SBF2: variants seen among roughly 807,000 people sequenced by gnomAD.
The protein encoded by SBF2 is SET binding factor 2, also known as myotubularin-related protein 13.
Under a neutral mutation model 225.2 loss-of-function variants are expected in SBF2, and 112 were observed. The observed-to-expected ratio is 0.50, with a 90% confidence interval of 0.43 to 0.58. SBF2 has a LOEUF of 0.58. Ranked by LOEUF, SBF2 falls within the 20% of genes least tolerant of loss-of-function variation. The probability of loss-of-function intolerance (pLI) is 0.00; values close to 1 mark genes in which losing one functional copy is unlikely to be tolerated. For missense variants in SBF2, 1,996 were observed against 2,206.2 expected, an observed-to-expected ratio of 0.90 and a Z score of 1.91; for synonymous variants, 763 against 773.3, an observed-to-expected ratio of 0.99 and a Z score of 0.22.
intron 30 of SBF2, chr11:9,810,882 A>C (rs1406552914): frequency 6.6e-6 from 1 of 152,234 alleles, no homozygotes; most frequent in African/African-American, 2.4e-5. Flanking sequence ...AAGGAATATA[A>C]ATTGTTCTAC....
intron 2 of SBF2, among the ~76,000 whole-genome samples, chr11:10,113,285 C>T (rs61878631): frequency 0.18 from 27,208 of 152,146 alleles, 2,602 homozygotes; most frequent in East Asian, 0.28. Flanking sequence ...TGAGCCACCA[C>T]GCCTGGCTGG....
intron 16 of SBF2, among the ~76,000 whole-genome samples, chr11:9,940,873 CAA>C (rs1865213347): frequency 6.6e-6 from 1 of 151,722 alleles, no homozygotes; most frequent in Non-Finnish European, 1.5e-5. Context: ...GATACAAAGG[CAA>C]AGAGTTTATA....
intron 1 of SBF2, among the ~76,000 whole-genome samples, chr11:10,230,168 A>G (rs1349172069): frequency 6.6e-6 from 1 of 151,998 alleles, no homozygotes; most frequent in Non-Finnish European, 1.5e-5. Context: ...TTTGCTTGGT[A>G]GATCTTCCAT....
intron 17 of SBF2, among the ~76,000 whole-genome samples, chr11:9,879,414 C>T (rs921805799): frequency 6.6e-6 from 1 of 152,070 alleles, no homozygotes; most frequent in East Asian, 1.9e-4. Flanking sequence ...AAAGTCCTTG[C>T]CCTAAATGAA....
intron 17 of SBF2, among the ~76,000 whole-genome samples, chr11:9,864,749 A>G (rs1419408591): frequency 6.6e-6 from 1 of 152,180 alleles, no homozygotes; most frequent in Non-Finnish European, 1.5e-5. Flanking sequence ...TTTAGTAAAT[A>G]TTAAGAGTTC....
At chr11:10,006,632 G>A (rs1816487661) in intron 6 of SBF2, among the ~76,000 whole-genome samples, 1 of 152,124 alleles carries the variant, frequency 6.6e-6, no homozygotes, top group Admixed American at 6.5e-5. Context: ...ATGTTAAGAA[G>A]ACAAATAAAT....
At chr11:9,872,569 T>C (rs1858864848) in intron 17 of SBF2, among the ~76,000 whole-genome samples, 1 of 152,326 alleles carries the variant, frequency 6.6e-6, no homozygotes, top group South Asian at 2.1e-4. Flanking sequence ...CTCAATATTA[T>C]TAGTCATTAG....
chr11:9,845,724 A>C lies in SBF2; in HGVS notation c.2951T>G (p.Phe984Cys), dbSNP rs775095719. ...SASFQLIKVA[F>C]DEEVSPEVVE... ...TACTTCTGGACTGACTTCTTCATCA[A>C]ATGCTACCTTAATCAACTAGAAGCA... Residue 984 changes from phenylalanine (F) to cysteine (C), a missense_variant, in exon 24 of 40, where the codon TTT becomes TGT. Phe to Cys is a radical substitution (Grantham distance 205). Transcript: ENST00000256190. The C allele has an allele frequency of 6.2e-7, 1 of 1,613,920 alleles. No individual in the cohort carries two copies. Among genetic ancestry groups the C allele is most frequent in the Non-Finnish European group, 8.5e-7 (1 of 1,179,808 alleles).
At chr11:9,982,809 A>G (rs1239667634) in intron 13 of SBF2, among the ~76,000 whole-genome samples, 1 of 152,222 alleles carries the variant, frequency 6.6e-6, no homozygotes, top group Non-Finnish European at 1.5e-5. Flanking sequence ...CCGAACACAC[A>G]CCGGAGAAGC....
chr11:10,172,385 C>G (rs950939711), intron 2 of SBF2, among the ~76,000 whole-genome samples: 1 of 151,910 alleles, frequency 6.6e-6, no homozygotes, highest in Non-Finnish European at 1.5e-5. Context: ...AGGAGTCTTG[C>G]TCTGTCTCCC....
intron 29 of SBF2, among the ~76,000 whole-genome samples, chr11:9,813,345 T>G (rs549979399): frequency 6.6e-6 from 1 of 152,334 alleles, no homozygotes; most frequent in Non-Finnish European, 1.5e-5. Flanking sequence ...TTTGTTTTTT[T>G]GGGATGGAGT....
intron 1 of SBF2, among the ~76,000 whole-genome samples, chr11:10,218,561 C>T (rs1302961637): frequency 6.6e-6 from 1 of 152,094 alleles, no homozygotes; most frequent in Non-Finnish European, 1.5e-5. Context: ...AGTCTGAAGT[C>T]TCATCCAAGA....
At chr11:10,219,840 A>C (rs1329841666) in intron 1 of SBF2, among the ~76,000 whole-genome samples, 1 of 152,184 alleles carries the variant, frequency 6.6e-6, no homozygotes, top group Non-Finnish European at 1.5e-5. Context: ...TTCATTGTCC[A>C]TATCACTATC....
At chr11:10,096,014 C>A (rs2134941945) in intron 2 of SBF2, among the ~76,000 whole-genome samples, 1 of 152,154 alleles carries the variant, frequency 6.6e-6, no homozygotes, top group South Asian at 2.1e-4. Context: ...GAACCAGGAG[C>A]CACAACCAGT....
chr11:10,254,699 A>G (rs1172014065), intron 1 of SBF2, among the ~76,000 whole-genome samples: 4 of 151,428 alleles, frequency 2.6e-5, no homozygotes, highest in Non-Finnish European at 2.9e-5. Context: ...TGAGGTCAGG[A>G]GTTCAAGACC....
chr11:9,888,885 A>T (rs1457087978), intron 17 of SBF2, among the ~76,000 whole-genome samples: 1 of 152,212 alleles, frequency 6.6e-6, no homozygotes, highest in Non-Finnish European at 1.5e-5. Context: ...TTAAAATGGA[A>T]TAAAATTTCA....
intron 1 of SBF2, among the ~76,000 whole-genome samples, chr11:10,202,511 C>T (rs182945468): frequency 5.3e-5 from 8 of 152,246 alleles, no homozygotes; most frequent in Admixed American, 3.3e-4. Context: ...ACTGGCCGAG[C>T]GAGGGGGCTC....
chr11:10,273,222 A>T (rs1273172875), intron 1 of SBF2, among the ~76,000 whole-genome samples: 1 of 152,238 alleles, frequency 6.6e-6, no homozygotes, highest in African/African-American at 2.4e-5. Context: ...GAACAGACCC[A>T]TTGTACAAAA....
At chr11:9,884,228 T>C (rs1177483076) in intron 17 of SBF2, among the ~76,000 whole-genome samples, 2 of 152,204 alleles carry the variant, frequency 1.3e-5, no homozygotes, top group Non-Finnish European at 2.9e-5. Context: ...AGACCTGGGC[T>C]CTTGTATTGA....
Sources: gnomAD v4.1 joint callset for allele counts (sites outside exome capture counted in the v4.1 genomes callset) on GRCh38, gnomAD v4.1.1 for gene constraint, MANE v1.5 for transcripts, NCBI Gene and HGNC (gene_info 2026-07-23, HGNC 2026-07-21) for gene names.